TCF12: variants seen among roughly 807,000 people sequenced by gnomAD.
TCF12 encodes transcription factor 12.
Under a neutral mutation model 86.0 loss-of-function variants are expected in TCF12, and 45 were observed. That is an observed-to-expected ratio of 0.52 (90% CI 0.41 to 0.67). The LOEUF (loss-of-function observed/expected upper bound fraction) is 0.67. Ranked by LOEUF, TCF12 falls within the 30% of genes least tolerant of loss-of-function variation. TCF12 has a pLI of 0.00. For synonymous variants in TCF12, 330 were observed against 299.6 expected, an observed-to-expected ratio of 1.10 and a Z score of -1.05; for missense variants, 881 against 859.9, an observed-to-expected ratio of 1.02 and a Z score of -0.31.
intron 3 of TCF12, among the ~76,000 whole-genome samples, chr15:57,039,172 A>G (rs1411596279): frequency 1.3e-5 from 2 of 152,214 alleles, no homozygotes; most frequent in Non-Finnish European, 2.9e-5. Context: ...TTAAAGGTAC[A>G]TTGAAGGCTG....
chr15:56,978,736 C>T (rs540975773), intron 3 of TCF12, among the ~76,000 whole-genome samples: 1 of 152,280 alleles, frequency 6.6e-6, no homozygotes, highest in African/African-American at 2.4e-5. Context: ...AATGAAAGCT[C>T]TCTTTGGCTC....
At chr15:57,216,115 G>C (rs935140772) in intron 8 of TCF12, among the ~76,000 whole-genome samples, 15 of 152,110 alleles carry the variant, frequency 9.9e-5, no homozygotes, top group African/African-American at 3.4e-4. Flanking sequence ...TACTGGAATA[G>C]CAGCAAACAT....
At chr15:56,991,982 C>G (rs1168820629) in intron 3 of TCF12, among the ~76,000 whole-genome samples, 1 of 151,818 alleles carries the variant, frequency 6.6e-6, no homozygotes, top group Non-Finnish European at 1.5e-5. Flanking sequence ...ATGCCAGGCA[C>G]AGTAGCTCAT....
Position 56,984,014 on chromosome 15 carries a change from A to AAAG in TCF12, c.148+62928_148+62930dup, listed in dbSNP as rs1555465480. On this transcript the variant is annotated intron_variant, in intron 3 of 20. Transcript: ENST00000333725. The stretch of plus-strand genomic sequence containing the variant: ...GAGACCCTGTCTCAAAAAAAAAAAA[A>AAAG]AAGAAGAAGAAGAATTTTGGATCAA... Among the ~76,000 whole-genome samples, 975 of 103,444 alleles carry AAAG rather than the reference A, an allele frequency of 9.4e-3. 12 individuals carry two copies. Among genetic ancestry groups the AAAG allele is most frequent in the African/African-American group, 0.023 (490 of 21,340 alleles). 67.9% of individuals were successfully genotyped at this position (103,444 alleles called of 152,430 possible).
chr15:56,996,967 A>G (rs1316103494), intron 3 of TCF12, among the ~76,000 whole-genome samples: 1 of 152,194 alleles, frequency 6.6e-6, no homozygotes, highest in African/African-American at 2.4e-5. Context: ...AAAAGTCACA[A>G]AATAACAGAT....
At chr15:56,937,907 T>G (rs1170768228) in intron 3 of TCF12, among the ~76,000 whole-genome samples, 1 of 152,176 alleles carries the variant, frequency 6.6e-6, no homozygotes, top group Non-Finnish European at 1.5e-5. Context: ...GAAACTCGCT[T>G]GATCATGATG....
At chr15:57,192,338 T>G in intron 7 of TCF12, 45 bp downstream of exon 7, 1 of 1,597,802 alleles carries the variant, frequency 6.3e-7, no homozygotes, top group Non-Finnish European at 8.5e-7. Flanking sequence ...ATGTTGTTGT[T>G]GTTTTTTCCT....
At chr15:57,075,758 TTTTCTTTCTTTCTTTCTTTC>T (rs762262996) in intron 4 of TCF12, among the ~76,000 whole-genome samples, 14 of 91,294 alleles carry the variant, frequency 1.5e-4, no homozygotes, top group African/African-American at 4.5e-4. Context: ...ATGAGGTTTC[TTTTCTTTCTTTCTTTCTTTC>T]TTTCTTTCTT....
chr15:56,981,501 A>AG (rs1406245497), intron 3 of TCF12, among the ~76,000 whole-genome samples: 10 of 152,322 alleles, frequency 6.6e-5, no homozygotes, highest in Non-Finnish European at 1.3e-4. Flanking sequence ...ATCTCCTGTT[A>AG]GGCCTCACTT....
rs149539546 is a variant in TCF12, at chr15:56,977,805, A to G, written c.148+56707A>G. Among the ~76,000 whole-genome samples, 20 of 152,314 alleles carry G rather than the reference A, an allele frequency of 1.3e-4. No individual in the cohort carries two copies. In the East Asian group the frequency reaches 3.5e-3, roughly 26 times the overall value. On this transcript the variant is annotated intron_variant, in intron 3 of 20. Transcript: ENST00000333725. ...TGTATACTGATGTTAGGATACTTCT[A>G]TAGAGCTTCTCAAATTGTAGCACAT... is the stretch of plus-strand genomic sequence containing the variant.
At chr15:57,021,906 T>G (rs2141258742) in intron 3 of TCF12, among the ~76,000 whole-genome samples, 1 of 152,296 alleles carries the variant, frequency 6.6e-6, no homozygotes, top group Middle Eastern at 3.4e-3. Flanking sequence ...GTCCCCGGCT[T>G]GTACTGAGGG....
At chr15:57,085,729 CT>C (rs2048580018) in intron 4 of TCF12, among the ~76,000 whole-genome samples, 2 of 152,098 alleles carry the variant, frequency 1.3e-5, no homozygotes, top group Non-Finnish European at 2.9e-5. Flanking sequence ...TTTATTCTTA[CT>C]TTTTTAACTT....
chr15:57,202,633 C>T (rs2057604578), intron 8 of TCF12, among the ~76,000 whole-genome samples: 1 of 151,776 alleles, frequency 6.6e-6, no homozygotes, highest in South Asian at 2.1e-4. Context: ...GATGGGGTTT[C>T]ACCGCTATAG....
chr15:57,042,004 T>C (rs1248555498), intron 3 of TCF12, among the ~76,000 whole-genome samples: 1 of 152,236 alleles, frequency 6.6e-6, no homozygotes, highest in Non-Finnish European at 1.5e-5. Flanking sequence ...AATCCTTTCT[T>C]GGTATGTTGG....
At chr15:56,986,992 T>G (rs760905843) in intron 3 of TCF12, among the ~76,000 whole-genome samples, 13 of 152,228 alleles carry the variant, frequency 8.5e-5, no homozygotes, top group Non-Finnish European at 1.3e-4. Context: ...TAAAAGAATC[T>G]TGGTCTATAA....
chr15:57,146,491 A>G (rs967590827), intron 5 of TCF12, among the ~76,000 whole-genome samples: 21 of 152,138 alleles, frequency 1.4e-4, no homozygotes, highest in Admixed American at 1.3e-4. Flanking sequence ...ATCAAGTTCT[A>G]TTTATTTCTG....
At chr15:56,975,943 T>A (rs1209789125) in intron 3 of TCF12, among the ~76,000 whole-genome samples, 1 of 151,158 alleles carries the variant, frequency 6.6e-6, no homozygotes, top group African/African-American at 2.4e-5. Flanking sequence ...GCAGAAGGAC[T>A]CAGGGTCCAA....
intron 6 of TCF12, 63 bp downstream of exon 6, chr15:57,166,529 T>TA: frequency 7.3e-7 from 1 of 1,367,652 alleles, no homozygotes; most frequent in South Asian, 1.3e-5. Context: ...AAGGCTCTAT[T>TA]AATAGATGAG....
At chr15:57,265,416 A>G (rs574514222) in intron 18 of TCF12, among the ~76,000 whole-genome samples, 7 of 152,194 alleles carry the variant, frequency 4.6e-5, no homozygotes, top group African/African-American at 1.4e-4. Context: ...GTGCCCTGCA[A>G]TGAAATGGCA....
Sources: allele counts gnomAD v4.1 joint callset (sites outside exome capture counted in the v4.1 genomes callset), GRCh38; gene constraint gnomAD v4.1.1; transcripts MANE v1.5; gene names NCBI Gene and HGNC (gene_info 2026-07-23, HGNC 2026-07-21).